CSGALNACT1: variants seen among roughly 807,000 people sequenced by gnomAD.
CSGALNACT1 encodes the protein chondroitin sulfate N-acetylgalactosaminyltransferase 1.
In CSGALNACT1, 52 loss-of-function variants were observed where a neutral mutation model predicts 51.0. That is an observed-to-expected ratio of 1.02 (90% confidence interval 0.82 to 1.29). The LOEUF (loss-of-function observed/expected upper bound fraction) is 1.29, where lower values mean the gene tolerates loss of function less well. Ranked by LOEUF, CSGALNACT1 falls within the 50% of genes most tolerant of loss-of-function variation. The pLI is 0.00. For synonymous variants in CSGALNACT1, 341 were observed against 254.4 expected (o/e 1.34, Z -3.24); for missense variants, 935 against 679.2 (o/e 1.38, Z -4.19).
At chr8:19,637,762 T>G (rs1378153080) in intron 1 of CSGALNACT1, among the ~76,000 whole-genome samples, 2 of 152,174 alleles carry the variant, frequency 1.3e-5, no homozygotes, top group African/African-American at 4.8e-5. Context: ...CTGAGGATCA[T>G]TCGTAACTGA....
upstream of CSGALNACT1, among the ~76,000 whole-genome samples, chr8:19,603,187 C>T (rs2050821215): frequency 6.6e-6 from 1 of 151,680 alleles, no homozygotes; most frequent in East Asian, 1.9e-4. Context: ...AGGAAAATTG[C>T]TAAGTCTCAG....
chr8:19,679,762 T>A (rs757415069), intron 1 of CSGALNACT1, among the ~76,000 whole-genome samples: 7 of 152,244 alleles, frequency 4.6e-5, no homozygotes, highest in Admixed American at 6.5e-5. Flanking sequence ...AAAACGCCAC[T>A]CTTAGGTTCT....
rs190379064 is a variant in CSGALNACT1, at chr8:19,417,584, G to A, written c.1227+1072C>T. Among the ~76,000 whole-genome samples, 26 of 152,314 alleles carry A rather than the reference G, an allele frequency of 1.7e-4. No individual in the cohort carries two copies. The East Asian group carries it at 3.3e-3, about 19-fold the overall frequency. ...GAAGCATCAGAGGCCTGGTGCTATC[G>A]TGTCTTCAGGTTCCCACAGCAGATG... On this transcript the variant is annotated intron_variant, in intron 8 of 9. Coordinates refer to ENST00000454498, the Ensembl canonical transcript of CSGALNACT1.
At chr8:19,540,849 A>C (rs990322825) in intron 3 of CSGALNACT1, among the ~76,000 whole-genome samples, 1 of 152,140 alleles carries the variant, frequency 6.6e-6, no homozygotes, top group African/African-American at 2.4e-5. Flanking sequence ...CTTCAGTATC[A>C]GCATGGATGT....
intron 1 of CSGALNACT1, among the ~76,000 whole-genome samples, chr8:19,666,206 T>C (rs1219527778): frequency 6.6e-6 from 1 of 152,194 alleles, no homozygotes; most frequent in Non-Finnish European, 1.5e-5. Context: ...AACAGTGTTC[T>C]TGCCACAACT....
intron 3 of CSGALNACT1, among the ~76,000 whole-genome samples, chr8:19,548,885 C>G (rs2087179355): frequency 6.6e-6 from 1 of 152,302 alleles, no homozygotes; most frequent in African/African-American, 2.4e-5. Flanking sequence ...GTGGTGCAGT[C>G]ACAGCTCACT....
intron 1 of CSGALNACT1, among the ~76,000 whole-genome samples, chr8:19,704,355 T>G (rs1011637879): frequency 7.9e-5 from 12 of 152,232 alleles, no homozygotes; most frequent in African/African-American, 2.4e-4. Context: ...ATAAATTTCT[T>G]GCATATCAAA....
chr8:19,730,561 G>A (rs1211328538), intron 1 of CSGALNACT1, among the ~76,000 whole-genome samples: 1 of 152,140 alleles, frequency 6.6e-6, no homozygotes, highest in African/African-American at 2.4e-5. Flanking sequence ...TATGTAAGGT[G>A]AACCCACCGG....
intron 1 of CSGALNACT1, among the ~76,000 whole-genome samples, chr8:19,652,323 T>A (rs148917480): frequency 5.0e-4 from 76 of 152,264 alleles, no homozygotes; most frequent in African/African-American, 1.8e-3. Flanking sequence ...AAGGTAAATA[T>A]TTGGTGACCA....
Position 19,651,926 on chromosome 8 carries a change from TTTTG to T in CSGALNACT1, c.-544+30543_-544+30546del, listed in dbSNP as rs200545082. Among the ~76,000 whole-genome samples the T allele has an allele frequency of 1.7e-3, 71 of 41,716 alleles. 3 individuals carry two copies. Among genetic ancestry groups the T allele is most frequent in the East Asian group, 6.8e-3 (13 of 1,908 alleles). 27.4% of individuals were successfully genotyped at this position (41,716 alleles called of 152,430 possible). A position where few individuals can be genotyped will look rare whatever the true frequency, so the allele number is the denominator to read the frequency against. On this transcript the variant is annotated intron_variant, in intron 1 of 9. Transcript: ENST00000332246. ...CAACCTCGCTGTCTGTTTTTTTTTG[TTTTG>T]TTTTGTTTTGACTTTTTTTAGACAG...
chr8:19,577,415 G>A (rs1233183219), intron 3 of CSGALNACT1, among the ~76,000 whole-genome samples: 37 of 137,982 alleles, frequency 2.7e-4, no homozygotes, highest in African/African-American at 1.2e-3. Context: ...AAAAAAAAAA[G>A]CCTAGTATGG....
chr8:19,670,162 A>C (rs754043489), intron 1 of CSGALNACT1, among the ~76,000 whole-genome samples: 6 of 152,060 alleles, frequency 3.9e-5, no homozygotes, highest in Non-Finnish European at 7.4e-5. Context: ...TTTCCTACTC[A>C]TCCTGGGCAC....
At chr8:19,550,201 G>A (rs2087627018) in intron 3 of CSGALNACT1, among the ~76,000 whole-genome samples, 1 of 151,964 alleles carries the variant, frequency 6.6e-6, no homozygotes, top group African/African-American at 2.4e-5. Context: ...GCCCAGGCTG[G>A]CCTCAAACTC....
At chr8:19,623,707 G>C (rs1268010884) in intron 1 of CSGALNACT1, among the ~76,000 whole-genome samples, 1 of 152,170 alleles carries the variant, frequency 6.6e-6, no homozygotes, top group African/African-American at 2.4e-5. Context: ...CAGGTGTTTG[G>C]ATATTAACCA....
rs2050479253 is a variant in CSGALNACT1, at chr8:19,601,761, G to T, written c.-416+10C>A. 2 of 450,388 alleles carry T rather than the reference G, an allele frequency of 4.4e-6. No homozygotes were observed. Among genetic ancestry groups the T allele is most frequent in the South Asian group, 1.6e-5 (1 of 63,630 alleles). 27.9% of individuals were successfully genotyped at this position (450,388 alleles called of 1,614,324 possible). ...AAAGGTTTGTTTCTTGAGTGAAAAT[G>T]CTCACTTACCTGGGGGTTCAAGAAG... On this transcript the variant is annotated intron_variant, in intron 2 of 9. Coordinates refer to ENST00000454498, the Ensembl canonical transcript of CSGALNACT1.
chr8:19,404,688 T>G (rs1029493551), exon 10 of CSGALNACT1: 15 of 454,036 alleles, frequency 3.3e-5, no homozygotes, highest in African/African-American at 3.0e-4. Context: ...TGAAAAGAGA[T>G]TGTTTGGTTC....
chr8:19,441,807 T>C (rs1404365257), intron 5 of CSGALNACT1, among the ~76,000 whole-genome samples: 4 of 152,100 alleles, frequency 2.6e-5, no homozygotes, highest in Admixed American at 1.3e-4. Flanking sequence ...AGAAAATTTT[T>C]GCAACCTACT....
At position 19,653,066 on chromosome 8, in the gene CSGALNACT1, C is replaced by G. The variant is rs370657376; in HGVS notation, c.-544+29407G>C. On this transcript the variant is annotated intron_variant, in intron 1 of 9. Transcript: ENST00000332246. ...GAAAACCATCAAAGTGAATTATGAA[C>G]TGATGAAAACTGAACCCACTGCCAC... 2.6e-5 allele frequency among the ~76,000 whole-genome samples: 4 copies of G among 152,144 alleles called. No individual in the cohort carries two copies. The East Asian group carries it at 7.7e-4, about 29-fold the overall frequency.
At position 19,458,493 on chromosome 8, in the gene CSGALNACT1, G is replaced by C. The variant is rs570246160; in HGVS notation, c.784C>G (p.Leu262Val). The stretch of plus-strand genomic sequence containing the variant: ...GCTAGAGGCACGATAACATTGATAA[G>C]CGTGTTGGCCATGTTGAGCTTTTCA... Residue 262 changes from leucine to valine, a missense_variant, in exon 5 of 10, where the codon CTT (leucine) becomes GTT (valine). Physicochemically the swap from Leu to Val is conservative, Grantham distance 32. Transcript: ENST00000454498. 9.3e-6 allele frequency: 15 copies of C among 1,614,154 alleles called. No homozygotes were observed. The African/African-American group carries it at 1.7e-4, about 19-fold the overall frequency.
Sources: allele counts gnomAD v4.1 joint callset (sites outside exome capture counted in the v4.1 genomes callset), GRCh38; gene constraint gnomAD v4.1.1; transcripts MANE v1.5; gene names NCBI Gene and HGNC (gene_info 2026-07-23, HGNC 2026-07-21).